The following DMXL2 variants were observed in gnomAD, a reference collection of about 807,000 sequenced individuals.
DMXL2 encodes the protein dmX-like protein 2.
A neutral mutation model predicts 331.1 loss-of-function variants in DMXL2; 103 were observed. That is an observed-to-expected ratio of 0.31 (90% confidence interval 0.27 to 0.37). DMXL2 has a LOEUF of 0.37. DMXL2 is among the 10% of genes least tolerant of loss of function. DMXL2 has a pLI of 1.00. For missense variants in DMXL2, 3,171 were observed against 3,642.9 expected (o/e 0.87, Z 3.33); for synonymous variants, 1,281 against 1,252.1 (o/e 1.02, Z -0.49).
intron 14 of DMXL2, among the ~76,000 whole-genome samples, chr15:51,515,259 G>A (rs2046971760): frequency 6.6e-6 from 1 of 152,064 alleles, no homozygotes; most frequent in Non-Finnish European, 1.5e-5. Flanking sequence ...GGAAAGGCTA[G>A]ATCCAAACAA....
intron 1 of DMXL2, among the ~76,000 whole-genome samples, chr15:51,593,630 C>A (rs538225434): frequency 1.1e-4 from 16 of 152,264 alleles, no homozygotes; most frequent in African/African-American, 3.9e-4. Context: ...CAGCACAACA[C>A]CGCACTTATT....
intron 13 of DMXL2, among the ~76,000 whole-genome samples, chr15:51,532,869 A>G (rs184589063): frequency 6.6e-5 from 10 of 152,308 alleles, no homozygotes; most frequent in Non-Finnish European, 1.2e-4. Context: ...AAGAGATAAA[A>G]TTGTTCCCAT....
chr15:51,471,317 T>A lies in DMXL2; in HGVS notation c.7298A>T (p.Asp2433Val). ...TGCAGGCACCGGTGGTGGGGTAGCATCTTTTACAGGCCTTCCAGGGACGAG... is the reference window on the plus strand; with the variant it reads ...TGCAGGCACCGGTGGTGGGGTAGCAACTTTTACAGGCCTTCCAGGGACGAG... ...RMLVPGRPVKDATPPPVPAER... is the reference protein window; with the variant it reads ...RMLVPGRPVKVATPPPVPAER... The change falls in exon 29 of 44, where the codon GAT (aspartate) becomes GTT (valine). Residue 2433 changes from aspartate (D) to valine (V), a missense_variant. By Grantham distance (152) the Asp-to-Val change is radical. Transcript: ENST00000560891. The A allele has an allele frequency of 6.2e-7, 1 of 1,614,058 alleles. No individual in the cohort carries two copies. Among genetic ancestry groups the A allele is most frequent in the Non-Finnish European group, 8.5e-7 (1 of 1,179,958 alleles).
intron 13 of DMXL2, among the ~76,000 whole-genome samples, chr15:51,527,673 G>A (rs1357903456): frequency 6.6e-6 from 1 of 151,228 alleles, no homozygotes; most frequent in African/African-American, 2.4e-5. Flanking sequence ...AGTGAGCCGA[G>A]ATGGTGCCAC....
At chr15:51,602,593 C>G (rs2053302807) in intron 1 of DMXL2, among the ~76,000 whole-genome samples, 1 of 152,318 alleles carries the variant, frequency 6.6e-6, no homozygotes, top group African/African-American at 2.4e-5. Flanking sequence ...AACTCCCGGG[C>G]TCATCCCCAG....
In DMXL2 at chr15:51,449,058, C is replaced by G; in HGVS notation, c.9103G>C (p.Ala3035Pro). The G allele has an allele frequency of 6.2e-7, 1 of 1,614,184 alleles. No homozygotes were observed. Among genetic ancestry groups the G allele is most frequent in the South Asian group, 1.1e-5 (1 of 91,082 alleles). ...IQGNRLFSCG[A>P]DGTLKTRVLP... is the part of the protein sequence containing the mutation. ...ACCCTGGTTTTCAGCGTGCCATCTGCACCACAGGAGAAGAGCCGATTGCCC... is the reference window on the plus strand; with the variant it reads ...ACCCTGGTTTTCAGCGTGCCATCTGGACCACAGGAGAAGAGCCGATTGCCC... Residue 3035 changes from alanine to proline, a missense_variant, in exon 44 of 44, where the codon GCA becomes CCA. Coordinates refer to ENST00000560891, the MANE Select transcript of DMXL2 (RefSeq NM_001378457.1).
At chr15:51,610,038 A>G (rs1567183294) in intron 1 of DMXL2, among the ~76,000 whole-genome samples, 1 of 152,224 alleles carries the variant, frequency 6.6e-6, no homozygotes, top group Non-Finnish European at 1.5e-5. Flanking sequence ...TTGTTAATCA[A>G]TGCATCACTG....
At chr15:51,605,227 G>A (rs188364256) in intron 1 of DMXL2, among the ~76,000 whole-genome samples, 7 of 152,066 alleles carry the variant, frequency 4.6e-5, no homozygotes, top group African/African-American at 1.4e-4. Flanking sequence ...TTTAAACAGC[G>A]TCTCACTCTG....
At chr15:51,522,341 C>T (rs1039586584) in intron 13 of DMXL2, among the ~76,000 whole-genome samples, 1 of 152,134 alleles carries the variant, frequency 6.6e-6, no homozygotes, top group African/African-American at 2.4e-5. Flanking sequence ...TTAGGAGTAT[C>T]TCCAATCTAA....
chr15:51,607,349 G>A (rs1311739342), intron 1 of DMXL2, among the ~76,000 whole-genome samples: 4 of 152,082 alleles, frequency 2.6e-5, no homozygotes, highest in African/African-American at 4.8e-5. Flanking sequence ...CCAGCTACTC[G>A]GGAGGCTGAG....
At chr15:51,594,763 C>T (rs1363051536) in intron 1 of DMXL2, among the ~76,000 whole-genome samples, 26 of 152,202 alleles carry the variant, frequency 1.7e-4, no homozygotes, top group African/African-American at 4.8e-4. Flanking sequence ...GTTCAACATA[C>T]GCAAATCAAT....
intron 1 of DMXL2, among the ~76,000 whole-genome samples, chr15:51,592,753 C>A (rs1048209861): frequency 6.6e-6 from 1 of 150,994 alleles, no homozygotes; most frequent in Non-Finnish European, 1.5e-5. Flanking sequence ...AGAGTGGGGG[C>A]CAATATTCAA....
Position 51,465,546 on chromosome 15 carries a change from T to C in DMXL2, c.7606+20A>G, listed in dbSNP as rs747544107. ...AATTTATTATACTTAATAACATTAA[T>C]TTTTAAATTCCAAACTCACCAGAGA... On this transcript the variant is annotated intron_variant, in intron 31 of 43. Coordinates refer to ENST00000560891, the MANE Select transcript of DMXL2 (RefSeq NM_001378457.1). 1 of 1,541,696 alleles carries C rather than the reference T, an allele frequency of 6.5e-7. No homozygotes were observed. The highest frequency in any genetic ancestry group is 1.2e-5 in the South Asian group (1 of 85,420).
intron 32 of DMXL2, among the ~76,000 whole-genome samples, chr15:51,464,273 C>G (rs2040382776): frequency 6.6e-6 from 1 of 152,096 alleles, no homozygotes; most frequent in South Asian, 2.1e-4. Flanking sequence ...ATGGCGCTCG[C>G]CTGTTGTTCC....
intron 1 of DMXL2, among the ~76,000 whole-genome samples, chr15:51,602,477 G>C (rs2053295247): frequency 6.6e-6 from 1 of 152,084 alleles, no homozygotes; most frequent in Admixed American, 6.5e-5. Context: ...AATATAGACA[G>C]GTACAGTCAC....
chr15:51,585,995 A>G (rs2051792983), intron 1 of DMXL2, among the ~76,000 whole-genome samples: 1 of 152,212 alleles, frequency 6.6e-6, no homozygotes, highest in Non-Finnish European at 1.5e-5. Flanking sequence ...CAGTAAGAAA[A>G]GCAGGGAAGG....
intron 22 of DMXL2, 38 bp from the exon 23 acceptor site, chr15:51,486,375 ATAAT>A: frequency 7.1e-7 from 1 of 1,408,244 alleles, no homozygotes. Context: ...TTACTTAATG[ATAAT>A]TATTTAGAGA....
At position 51,598,431 on chromosome 15, in the gene DMXL2, G is replaced by A. The variant is rs775413101; in HGVS notation, c.88-22250C>T. 5.9e-5 allele frequency among the ~76,000 whole-genome samples: 9 copies of A among 152,142 alleles called. No individual in the cohort carries two copies. In the South Asian group the frequency reaches 6.2e-4, roughly 11 times the overall value. Reference sequence around the variant, plus strand: ...ACCACAGTACAATTATCAAGATCGGGCAATGGATACTGATAAAATACTATT... The same window carrying A: ...ACCACAGTACAATTATCAAGATCGGACAATGGATACTGATAAAATACTATT... On this transcript the variant is annotated intron_variant, in intron 1 of 43. Coordinates refer to ENST00000560891, the MANE Select transcript of DMXL2 (RefSeq NM_001378457.1).
At chr15:51,545,048 ATTT>A (rs2048816641) in intron 8 of DMXL2, among the ~76,000 whole-genome samples, 2 of 152,040 alleles carry the variant, frequency 1.3e-5, no homozygotes, top group Non-Finnish European at 2.9e-5. Context: ...TTCATACTGT[ATTT>A]AAAAATTATA....
Sources: allele counts gnomAD v4.1 joint callset (sites outside exome capture counted in the v4.1 genomes callset), GRCh38; gene constraint gnomAD v4.1.1; transcripts MANE v1.5; gene names NCBI Gene and HGNC (gene_info 2026-07-23, HGNC 2026-07-21).